The following SLC29A1 variants were observed in gnomAD, a reference collection of about 807,000 sequenced individuals.
SLC29A1 encodes the protein equilibrative nucleoside transporter 1.
A neutral mutation model predicts 48.3 loss-of-function variants in SLC29A1; 22 were observed. That is an observed-to-expected ratio of 0.46 (90% CI 0.33 to 0.65). The LOEUF is 0.65. Among genes scored for constraint, SLC29A1 ranks in the 30% least tolerant of loss-of-function variants. SLC29A1 has a pLI of 0.03. For missense variants in SLC29A1, 491 were observed against 575.3 expected, an observed-to-expected ratio of 0.85 and a Z score of 1.50; for synonymous variants, 228 against 231.0, an observed-to-expected ratio of 0.99 and a Z score of 0.12.
Position 44,232,218 on chromosome 6 carries a change from G to A in SLC29A1, c.973+112G>A. On this transcript the variant is annotated intron_variant, in intron 10 of 12. Transcript: ENST00000371755. The surrounding 1 kb of genome is among the most constrained non-coding windows in gnomAD (Gnocchi z 4.7). ...TTCTCCCCGTTTCCTGGGTCCATTT[G>A]CCCTTCCCTGGGCTGGAAGCATCTT... The A allele has an allele frequency of 1.7e-6, 2 of 1,144,902 alleles. No individual in the cohort carries two copies. The highest frequency in any genetic ancestry group is 2.6e-6 in the Non-Finnish European group (2 of 755,334). The allele number at this position is 1,144,902 out of a possible 1,614,324, so 70.9% of individuals were successfully genotyped here.
rs1051828962 is a variant in SLC29A1 at position 44,229,130 on chromosome 6, A to C, written c.30-260A>C. Among the ~76,000 whole-genome samples, 7 of 152,264 alleles carry C rather than the reference A, an allele frequency of 4.6e-5. No homozygotes were observed. In the Middle Eastern group the frequency reaches 0.01, roughly 222 times the overall value. ...GCCTGCAGAGTCCCCCGAGCCTTCC[A>C]GGGCTGATAACCATGGTCCTGTCAG... On this transcript the variant is annotated intron_variant, in intron 2 of 12. Coordinates refer to ENST00000371755, the MANE Select transcript of SLC29A1 (RefSeq NM_001372327.1). The surrounding 1 kb of genome is among the most constrained non-coding windows in gnomAD (Gnocchi z 5.1).
Position 44,232,995 on chromosome 6 carries a change from C to T in SLC29A1, c.1248C>T (p.Cys416=). 1 of 1,612,912 alleles carries T rather than the reference C, an allele frequency of 6.2e-7. No individual in the cohort carries two copies. The highest frequency in any genetic ancestry group is 8.5e-7 in the Non-Finnish European group (1 of 1,180,034). The change falls in exon 12 of 13, where the codon TGC becomes TGT. Residue 416 remains cysteine, a synonymous_variant. Transcript: ENST00000371755. This position sits in a 1 kb window ranked among gnomAD's most constrained non-coding sequence, Gnocchi z 4.7. ...GCTACCTCGCCAGCCTCTGCATGTGCTTCGGGCCCAAGTGAGTAGGGCTGG... is the reference window on the plus strand; with the variant it reads ...GCTACCTCGCCAGCCTCTGCATGTGTTTCGGGCCCAAGTGAGTAGGGCTGG... ...SNGYLASLCM[C]FGPKKVKPAE...
intron 7 of SLC29A1, 34 bp downstream of exon 7, chr6:44,230,699 T>C (rs1383880978): frequency 8.5e-7 from 1 of 1,172,644 alleles, no homozygotes; most frequent in Non-Finnish European, 1.2e-6. Flanking sequence ...GTTTGGGGTA[T>C]AGGGGTCTGG....
At chr6:44,227,952 C>T (rs1437275818) in intron 2 of SLC29A1, among the ~76,000 whole-genome samples, 1 of 152,212 alleles carries the variant, frequency 6.6e-6, no homozygotes. Context: ...GCCCCAGAAA[C>T]CCATCACGTC....
chr6:44,233,342 C>G lies in SLC29A1; in HGVS notation c.1260-75C>G, dbSNP rs1488401649. The G allele has an allele frequency of 1.0e-4, 129 of 1,262,646 alleles. 1 individual carries two copies. The Admixed American group carries it at 2.1e-3, about 21-fold the overall frequency. 78.2% of individuals were successfully genotyped at this position (1,262,646 alleles called of 1,614,324 possible). On this transcript the variant is annotated intron_variant, in intron 12 of 12. Coordinates refer to ENST00000371755, the MANE Select transcript of SLC29A1 (RefSeq NM_001372327.1). ...CGACAGTCAAGTTGCTCCACCCCACCCCTCCTTCCACCCAGAGGCTCTGGG... is the reference window on the plus strand; with the variant it reads ...CGACAGTCAAGTTGCTCCACCCCACGCCTCCTTCCACCCAGAGGCTCTGGG...
chr6:44,233,107 C>A, intron 12 of SLC29A1, 101 bp downstream of exon 12: 2 of 1,255,338 alleles, frequency 1.6e-6, no homozygotes, highest in East Asian at 2.4e-5. Flanking sequence ...TCCCTGCTCC[C>A]AGAGCTGAGA....
intron 9 of SLC29A1, 74 bp downstream of exon 9, chr6:44,231,535 A>G (rs1253422283): frequency 4.3e-6 from 4 of 932,274 alleles, no homozygotes; most frequent in Non-Finnish European, 6.9e-6. Context: ...TCCCCCTGCC[A>G]CCCATCTCCT....
rs1296074591 is a variant in SLC29A1, at chr6:44,229,592, T to A, written c.115T>A (p.Phe39Ile). Reference protein sequence around the residue: ...WNFFMTATQYFTNRLDMSQNV... With the variant: ...WNFFMTATQYITNRLDMSQNV... ...CTCCTCTCTGCAACCCCTGCAGTATTTCACAAACCGCCTGGACATGTCCCA... is the reference window on the plus strand; with the variant it reads ...CTCCTCTCTGCAACCCCTGCAGTATATCACAAACCGCCTGGACATGTCCCA... Residue 39 changes from phenylalanine (F) to isoleucine (I), a missense_variant, in exon 4 of 13, where the codon TTC (phenylalanine) becomes ATC (isoleucine). By Grantham distance (21) the Phe-to-Ile change is conservative. Coordinates refer to ENST00000371755, the MANE Select transcript of SLC29A1 (RefSeq NM_001372327.1). The surrounding 1 kb of genome is among the most constrained non-coding windows in gnomAD (Gnocchi z 5.1). 6.2e-7 allele frequency: 1 copy of A among 1,614,106 alleles called. No homozygotes were observed. The highest frequency in any genetic ancestry group is 1.1e-5 in the South Asian group (1 of 91,082).
At position 44,227,196 on chromosome 6, in the gene SLC29A1, C is replaced by A. The variant is rs1426888004; in HGVS notation, c.-51-67C>A. On this transcript the variant is annotated intron_variant, in intron 1 of 12. Coordinates refer to ENST00000371755, the MANE Select transcript of SLC29A1 (RefSeq NM_001372327.1). The stretch of plus-strand genomic sequence containing the variant: ...TTCTGTCAGCCCTGCCCCCTCTCCC[C>A]CTAAGAGCCTGAGGAGGCCTATGGC... 7.3e-6 allele frequency: 11 copies of A among 1,508,752 alleles called. 1 individual carries two copies. The highest frequency in any genetic ancestry group is 5.5e-5 in the African/African-American group (4 of 72,354). 93.5% of individuals were successfully genotyped at this position (1,508,752 alleles called of 1,614,324 possible).
At chr6:44,226,805 T>G in intron 1 of SLC29A1, 1 of 1,010,334 alleles carries the variant, frequency 9.9e-7, no homozygotes, top group Non-Finnish European at 1.2e-6. Context: ...GTGTCCTTCC[T>G]CCTCCTCCCC....
At chr6:44,225,553 C>G (rs1251357104) in intron 1 of SLC29A1, 1 of 152,250 alleles carries the variant, frequency 6.6e-6, no homozygotes, top group Non-Finnish European at 1.5e-5. Flanking sequence ...AGGCTTTCCC[C>G]CACCCCCACT....
Position 44,232,983 on chromosome 6 carries a change from C to T in SLC29A1, c.1236C>T (p.Ser412=), listed in dbSNP as rs1582965439. The change falls in exon 12 of 13, where the codon AGC becomes AGT. Residue 412 remains serine (S), a synonymous_variant. Transcript: ENST00000371755. This position sits in a 1 kb window ranked among gnomAD's most constrained non-coding sequence, Gnocchi z 4.7. Reference sequence around the variant, plus strand: ...CCTTCTCCAACGGCTACCTCGCCAGCCTCTGCATGTGCTTCGGGCCCAAGT... The same window carrying T: ...CCTTCTCCAACGGCTACCTCGCCAGTCTCTGCATGTGCTTCGGGCCCAAGT... ...AFAFSNGYLA[S]LCMCFGPKKV... The T allele has an allele frequency of 5.6e-6, 9 of 1,613,490 alleles. No homozygotes were observed. The highest frequency in any genetic ancestry group is 7.6e-6 in the Non-Finnish European group (9 of 1,180,048).
At chr6:44,228,246 T>C (rs1368009740) in intron 2 of SLC29A1, among the ~76,000 whole-genome samples, 1 of 152,194 alleles carries the variant, frequency 6.6e-6, no homozygotes, top group African/African-American at 2.4e-5. Flanking sequence ...GGCAGTTCCC[T>C]GAAGGCCTCG....
At chr6:44,225,559 C>T (rs2128341907) in intron 1 of SLC29A1, 1 of 152,370 alleles carries the variant, frequency 6.6e-6, no homozygotes, top group Non-Finnish European at 1.5e-5. Flanking sequence ...TCCCCCACCC[C>T]CACTCCAGTA....
At chr6:44,230,941 A>G (rs1055181145) in intron 8 of SLC29A1, 52 bp downstream of exon 8, 1 of 1,382,110 alleles carries the variant, frequency 7.2e-7, no homozygotes. Flanking sequence ...CAGGCGGGGG[A>G]TAGCATGAGC....
rs771167475 is a variant in SLC29A1 at position 44,229,622 on chromosome 6, G to A, written c.145G>A (p.Val49Met). The change falls in exon 4 of 13, where the codon GTG becomes ATG. Residue 49 changes from valine to methionine, a missense_variant. By Grantham distance (21) the Val-to-Met change is conservative. Transcript: ENST00000371755. The surrounding 1 kb of genome is among the most constrained non-coding windows in gnomAD (Gnocchi z 5.1). ...FTNRLDMSQN[V>M]SLVTAELSKD... The stretch of plus-strand genomic sequence containing the variant: ...AAACCGCCTGGACATGTCCCAGAAT[G>A]TGTCCTTGGTCACTGCTGAACTGAG... The A allele has an allele frequency of 1.3e-5, 21 of 1,614,154 alleles. No homozygotes were observed. The South Asian group carries it at 1.5e-4, about 12-fold the overall frequency.
rs1471066771 is a variant in SLC29A1, at chr6:44,229,705, C to T, written c.228C>T (p.Leu76=). Residue 76 remains leucine (L), a synonymous_variant, in exon 4 of 13, where the codon CTC becomes CTT. Transcript: ENST00000371755. This position sits in a 1 kb window ranked among gnomAD's most constrained non-coding sequence, Gnocchi z 5.1. ...PAAPLPERNS[L]SAIFNNVMTL... is the part of the protein sequence containing the mutation. ...CACCCTTGCCTGAGCGGAACTCTCTCAGTGCCATCTTCAACAATGTCATGA... is the reference window on the plus strand; with the variant it reads ...CACCCTTGCCTGAGCGGAACTCTCTTAGTGCCATCTTCAACAATGTCATGA... 1 of 1,614,048 alleles carries T rather than the reference C, an allele frequency of 6.2e-7. No individual in the cohort carries two copies. Among genetic ancestry groups the T allele is most frequent in the Non-Finnish European group, 8.5e-7 (1 of 1,180,052 alleles).
rs75487549 is a variant in SLC29A1, at chr6:44,230,591, G to T, written c.613G>T (p.Ala205Ser). The change falls in exon 7 of 13, where the codon GCC becomes TCC. Residue 205 changes from alanine (A) to serine (S), a missense_variant. Coordinates refer to ENST00000371755, the MANE Select transcript of SLC29A1 (RefSeq NM_001372327.1). ...IASGSELSES[A>S]FGYFITACAV... is the part of the protein sequence containing the mutation. ...AGGTGGCTCGGAGCTATCAGAAAGT[G>T]CCTTCGGCTACTTTATCACAGCCTG... The T allele has an allele frequency of 6.2e-7, 1 of 1,614,004 alleles. No individual in the cohort carries two copies. Among genetic ancestry groups the T allele is most frequent in the Non-Finnish European group, 8.5e-7 (1 of 1,179,982 alleles).
Position 44,232,497 on chromosome 6 carries a change from C to A in SLC29A1, c.1059+69C>A. The A allele has an allele frequency of 9.6e-7, 1 of 1,036,940 alleles. No homozygotes were observed. Among genetic ancestry groups the A allele is most frequent in the Non-Finnish European group, 1.5e-6 (1 of 675,592 alleles). 64.2% of individuals were successfully genotyped at this position (1,036,940 alleles called of 1,614,324 possible). A position where few individuals can be genotyped will look rare whatever the true frequency, so the allele number is the denominator to read the frequency against. On this transcript the variant is annotated intron_variant, in intron 11 of 12. Transcript: ENST00000371755. The surrounding 1 kb of genome is among the most constrained non-coding windows in gnomAD (Gnocchi z 4.7). The stretch of plus-strand genomic sequence containing the variant: ...GTCCAGCCTGGACCCAGAGAGGGAA[C>A]CCAAGAAAGTATGGTAGTAAGGGGA...
Sources: gnomAD v4.1 joint callset for allele counts (sites outside exome capture counted in the v4.1 genomes callset) on GRCh38, gnomAD v4.1.1 for gene constraint, Gnocchi (gnomAD v3.1) non-coding constraint, MANE v1.5 for transcripts, NCBI Gene and HGNC (gene_info 2026-07-23, HGNC 2026-07-21) for gene names.